The following CACNA2D3 variants were observed in gnomAD, a reference collection of about 807,000 sequenced individuals.
CACNA2D3 encodes voltage-dependent calcium channel subunit alpha-2/delta-3.
A neutral mutation model predicts 160.6 loss-of-function variants in CACNA2D3; 60 were observed. The ratio of observed to expected loss-of-function variants is 0.37; its 90% CI spans 0.30 to 0.46. The LOEUF is 0.46. CACNA2D3 is among the 20% of genes least tolerant of loss of function. CACNA2D3 has a pLI of 1.00. For synonymous variants in CACNA2D3, 558 were observed against 492.9 expected, an observed-to-expected ratio of 1.13 and a Z score of -1.75; for missense variants, 1,205 against 1,365.0, an observed-to-expected ratio of 0.88 and a Z score of 1.85.
At chr3:54,833,609 G>A (rs1317753511) in intron 14 of CACNA2D3, among the ~76,000 whole-genome samples, 1 of 151,762 alleles carries the variant, frequency 6.6e-6, no homozygotes, top group Non-Finnish European at 1.5e-5. Context: ...AACAAAACTT[G>A]CCATTGACTG....
chr3:54,924,728 G>T (rs2106939881), intron 27 of CACNA2D3: 1 of 1,614,112 alleles, frequency 6.2e-7, no homozygotes, highest in Non-Finnish European at 8.5e-7. Context: ...TGGATTCCAG[G>T]AGCGCTCGAT....
chr3:54,716,300 A>G (rs2106974274), intron 11 of CACNA2D3, among the ~76,000 whole-genome samples: 1 of 152,286 alleles, frequency 6.6e-6, no homozygotes, highest in Middle Eastern at 3.4e-3. Flanking sequence ...ACACCCAGGA[A>G]AAAGAGACAC....
At chr3:54,778,807 C>G (rs765870581) in intron 13 of CACNA2D3, among the ~76,000 whole-genome samples, 1 of 152,124 alleles carries the variant, frequency 6.6e-6, no homozygotes, top group Non-Finnish European at 1.5e-5. Flanking sequence ...AGAATGGCAT[C>G]TTCTCCAACA....
At chr3:54,414,179 C>G (rs1353135588) in intron 4 of CACNA2D3, among the ~76,000 whole-genome samples, 1 of 151,972 alleles carries the variant, frequency 6.6e-6, no homozygotes, top group Admixed American at 6.6e-5. Context: ...TGCATTCTAA[C>G]ATTATATCAG....
At chr3:54,345,402 A>AT (rs1246938941) in intron 3 of CACNA2D3, among the ~76,000 whole-genome samples, 1 of 151,842 alleles carries the variant, frequency 6.6e-6, no homozygotes, top group Non-Finnish European at 1.5e-5. Flanking sequence ...TTTTCAATTT[A>AT]TTTTTTAAAG....
intron 5 of CACNA2D3, among the ~76,000 whole-genome samples, chr3:54,551,077 A>T (rs554899092): frequency 5.3e-5 from 8 of 152,340 alleles, no homozygotes; most frequent in Admixed American, 5.2e-4. Context: ...GATTGAGGAC[A>T]GACTGCAGAC....
At position 54,645,040 on chromosome 3, in the gene CACNA2D3, T is replaced by A. The variant is rs555546053; in HGVS notation, c.1167+2799T>A. Reference sequence around the variant, plus strand: ...TCAAGATATTTGTATTAGTCCATTTTCACACTGCTATAAAGAACTGCCTGA... The same window carrying A: ...TCAAGATATTTGTATTAGTCCATTTACACACTGCTATAAAGAACTGCCTGA... On this transcript the variant is annotated intron_variant, in intron 11 of 37. Transcript: ENST00000474759. Among the ~76,000 whole-genome samples the A allele has an allele frequency of 7.3e-4, 111 of 152,362 alleles. 1 individual carries two copies. The highest frequency in any genetic ancestry group is 2.4e-3 in the African/African-American group (99 of 41,582).
intron 4 of CACNA2D3, among the ~76,000 whole-genome samples, chr3:54,415,466 A>G (rs1699740077): frequency 6.6e-6 from 1 of 152,200 alleles, no homozygotes; most frequent in South Asian, 2.1e-4. Flanking sequence ...GTAGATTTTC[A>G]TAATATACAT....
At chr3:54,387,038 C>A (rs1326228715) in intron 4 of CACNA2D3, among the ~76,000 whole-genome samples, 1 of 152,160 alleles carries the variant, frequency 6.6e-6, no homozygotes, top group African/African-American at 2.4e-5. Context: ...GGAGTTAAAT[C>A]GGTCAACTGA....
At chr3:54,444,973 C>A (rs539726186) in intron 4 of CACNA2D3, among the ~76,000 whole-genome samples, 2 of 152,244 alleles carry the variant, frequency 1.3e-5, no homozygotes, top group African/African-American at 4.8e-5. Context: ...CCTCTCCCAA[C>A]CCCCTTAAAC....
intron 2 of CACNA2D3, among the ~76,000 whole-genome samples, chr3:54,209,207 A>G (rs1480286720): frequency 6.6e-6 from 1 of 152,218 alleles, no homozygotes; most frequent in East Asian, 1.9e-4. Context: ...AAGGACTCAC[A>G]TAATTTTTGG....
intron 9 of CACNA2D3, among the ~76,000 whole-genome samples, chr3:54,618,386 C>T (rs1340043643): frequency 3.5e-5 from 5 of 144,786 alleles, no homozygotes; most frequent in Admixed American, 2.8e-4. Context: ...CACACACACA[C>T]ACACACACAC....
intron 5 of CACNA2D3, among the ~76,000 whole-genome samples, chr3:54,555,675 C>G (rs1396261357): frequency 6.6e-6 from 1 of 152,250 alleles, no homozygotes; most frequent in Middle Eastern, 3.4e-3. Flanking sequence ...CTGATAGATT[C>G]TTGACTGGCA....
intron 11 of CACNA2D3, among the ~76,000 whole-genome samples, chr3:54,654,116 C>A (rs1228014503): frequency 1.3e-5 from 2 of 152,138 alleles, no homozygotes; most frequent in Non-Finnish European, 2.9e-5. Flanking sequence ...CCAGTTTCAA[C>A]CCATATCCAG....
intron 13 of CACNA2D3, among the ~76,000 whole-genome samples, chr3:54,809,543 C>T (rs1476599902): frequency 6.8e-6 from 1 of 146,400 alleles, no homozygotes; most frequent in Non-Finnish European, 1.5e-5. Context: ...TGGTCTCGAT[C>T]TCCTGACCTC....
At position 54,860,013 on chromosome 3, in the gene CACNA2D3, CAA is replaced by C. The variant is rs1423030702; in HGVS notation, c.1627-11524_1627-11523del. 1.9e-4 allele frequency among the ~76,000 whole-genome samples: 28 copies of C among 150,950 alleles called. No homozygotes were observed. The South Asian group carries it at 3.4e-3, about 18-fold the overall frequency. On this transcript the variant is annotated intron_variant, in intron 17 of 37. Transcript: ENST00000474759. ...ACACACACACACACACACACACACA[CAA>C]ACACACATATTCCAAATTAGATCGG...
intron 29 of CACNA2D3, among the ~76,000 whole-genome samples, chr3:54,982,316 T>C (rs538732922): frequency 6.6e-6 from 1 of 152,310 alleles, no homozygotes; most frequent in South Asian, 2.1e-4. Context: ...AACCCAAGTT[T>C]GATCAAGCAT....
At chr3:54,197,978 G>A (rs1046848743) in intron 2 of CACNA2D3, among the ~76,000 whole-genome samples, 3 of 152,188 alleles carry the variant, frequency 2.0e-5, no homozygotes, top group African/African-American at 7.2e-5. Flanking sequence ...CTTTGATTAG[G>A]AAGGTGATGT....
chr3:54,928,215 C>T (rs967513302), intron 27 of CACNA2D3: 15 of 419,756 alleles, frequency 3.6e-5, no homozygotes, highest in East Asian at 1.5e-4. Context: ...CCCATTCAGA[C>T]GATGAGCCGC....
Sources: gnomAD v4.1 joint callset for allele counts (sites outside exome capture counted in the v4.1 genomes callset) on GRCh38, gnomAD v4.1.1 for gene constraint, MANE v1.5 for transcripts, NCBI Gene and HGNC (gene_info 2026-07-23, HGNC 2026-07-21) for gene names.